DIAPH2: variants seen among roughly 807,000 people sequenced by gnomAD.
DIAPH2 encodes the protein protein diaphanous homolog 2.
DIAPH2 carries 35 observed loss-of-function variants against 92.7 expected under a neutral mutation model. The observed-to-expected ratio is 0.38, with a 90% CI of 0.29 to 0.50. The LOEUF is 0.50. Ranked by LOEUF, DIAPH2 falls within the 20% of genes least tolerant of loss-of-function variation. The pLI is 0.94. For missense variants in DIAPH2, 701 were observed against 819.5 expected, an observed-to-expected ratio of 0.86 and a Z score of 1.77; for synonymous variants, 301 against 280.4, an observed-to-expected ratio of 1.07 and a Z score of -0.73.
In DIAPH2 at chrX:96,937,342, C is replaced by A. The variant is rs1256387036; in HGVS notation, c.1199C>A (p.Ala400Glu). Reference protein sequence around the residue: ...ELSHRLNDIRAEMDDMNEVYH... With the variant: ...ELSHRLNDIREEMDDMNEVYH... ...TCACACCGTCTCAATGACATTCGAG[C>A]AGAAATGGAATATCCTTTGACAAAC... The change falls in exon 11 of 27, where the codon GCA (alanine) becomes GAA (glutamate). Residue 400 changes from alanine to glutamate, a missense_variant. Coordinates refer to ENST00000324765, the MANE Select transcript of DIAPH2 (RefSeq NM_006729.5). The A allele has an allele frequency of 9.0e-7, 1 of 1,114,099 alleles. No homozygotes were observed. Among genetic ancestry groups the A allele is most frequent in the Non-Finnish European group, 1.2e-6 (1 of 827,704 alleles). 91.8% of individuals were successfully genotyped at this position (1,114,099 alleles called of 1,213,427 possible).
At chrX:97,273,603 CAT>C (rs1050125998) in intron 23 of DIAPH2, among the ~76,000 whole-genome samples, 2 of 112,068 alleles carry the variant, frequency 1.8e-5, no homozygotes, top group African/African-American at 6.5e-5. Context: ...TGTGTGAGCA[CAT>C]GTGTGTAAAA....
At chrX:96,915,726 C>T (rs1399281188) in intron 7 of DIAPH2, among the ~76,000 whole-genome samples, 1 of 111,774 alleles carries the variant, frequency 8.9e-6, no homozygotes, top group African/African-American at 3.2e-5. Context: ...AATGAAAACT[C>T]AAGTTTTAGA....
In DIAPH2 at chrX:96,959,187, AT is replaced by A; in HGVS notation, c.1935+1044del. ...ATTGTATGGTAATCCTATTATTTAT[AT>A]TTTTGAGAAATCTTTATAGTGTTTT... On this transcript the variant is annotated intron_variant, in intron 16 of 26. Coordinates refer to ENST00000324765, the MANE Select transcript of DIAPH2 (RefSeq NM_006729.5). Among the ~76,000 whole-genome samples the A allele has an allele frequency of 2.7e-5, 3 of 111,565 alleles. No individual in the cohort carries two copies. The Admixed American group carries it at 2.9e-4, about 11-fold the overall frequency.
intron 23 of DIAPH2, among the ~76,000 whole-genome samples, chrX:97,267,310 A>G (rs771481064): frequency 9.0e-6 from 1 of 111,491 alleles, no homozygotes; most frequent in South Asian, 3.7e-4. Context: ...ATTGCTGTAA[A>G]TGTTGCTTAG....
At chrX:97,321,350 CACA>C (rs767134252) in intron 23 of DIAPH2, among the ~76,000 whole-genome samples, 110 of 109,861 alleles carry the variant, frequency 1.0e-3, no homozygotes, top group Non-Finnish European at 1.6e-3. Flanking sequence ...CCCCTTAACG[CACA>C]ACAAAAGGTG....
At chrX:97,165,554 C>T (rs1163146030) in intron 22 of DIAPH2, among the ~76,000 whole-genome samples, 1 of 110,789 alleles carries the variant, frequency 9.0e-6, no homozygotes, top group African/African-American at 3.3e-5. Context: ...AGTGCAGTGG[C>T]GCCATCTCGG....
intron 5 of DIAPH2, among the ~76,000 whole-genome samples, chrX:96,902,663 T>G (rs1171717805): frequency 9.0e-6 from 1 of 111,464 alleles, no homozygotes; most frequent in Non-Finnish European, 1.9e-5. Context: ...CGTTTTTATT[T>G]GTCAATAAAA....
chrX:97,541,487 C>T (rs1020360115), intron 26 of DIAPH2, among the ~76,000 whole-genome samples: 3 of 111,849 alleles, frequency 2.7e-5, no homozygotes, highest in Non-Finnish European at 5.7e-5. Context: ...TCAACATTGC[C>T]GCATATCACA....
At position 97,338,309 on chromosome X, in the gene DIAPH2, A is replaced by G. The variant is rs958112100; in HGVS notation, c.2845-9807A>G. Among the ~76,000 whole-genome samples, 4 of 112,217 alleles carry G rather than the reference A, an allele frequency of 3.6e-5. No homozygotes were observed. In the East Asian group the frequency reaches 8.3e-4, roughly 23 times the overall value. On this transcript the variant is annotated intron_variant, in intron 23 of 26. Transcript: ENST00000324765. ...GCTTCATATTTGTAAATACTTGTCAATGCATATTCATCACATAATGTGTGG... is the reference window on the plus strand; with the variant it reads ...GCTTCATATTTGTAAATACTTGTCAGTGCATATTCATCACATAATGTGTGG...
At chrX:97,383,802 C>G (rs2069572758) in intron 24 of DIAPH2, 107 bp from the exon 25 acceptor site, 15 of 713,076 alleles carry the variant, frequency 2.1e-5, no homozygotes, top group Non-Finnish European at 2.9e-5. Flanking sequence ...TTTTGTTTAA[C>G]TTTGTTTATA....
intron 4 of DIAPH2, among the ~76,000 whole-genome samples, chrX:96,847,930 A>G (rs776259203): frequency 1.8e-5 from 2 of 111,783 alleles, no homozygotes; most frequent in South Asian, 3.8e-4. Context: ...ATGATTCTAT[A>G]TTACTTTTAA....
At chrX:97,229,683 G>C (rs1426249107) in intron 22 of DIAPH2, among the ~76,000 whole-genome samples, 1 of 109,096 alleles carries the variant, frequency 9.2e-6, no homozygotes, top group Non-Finnish European at 1.9e-5. Context: ...TCAATTACAT[G>C]TTTAATTTTA....
At chrX:97,336,243 CTTTT>C (rs1186112131) in intron 23 of DIAPH2, among the ~76,000 whole-genome samples, 4 of 91,741 alleles carry the variant, frequency 4.4e-5, no homozygotes, top group African/African-American at 1.6e-4. Context: ...CTTTTCTTTT[CTTTT>C]TTTTTTTTTT....
At chrX:96,732,192 G>A (rs1435127605) in intron 1 of DIAPH2, among the ~76,000 whole-genome samples, 1 of 111,513 alleles carries the variant, frequency 9.0e-6, no homozygotes, top group Non-Finnish European at 1.9e-5. Context: ...TGGTGTTTCT[G>A]TTGTTATTCT....
intron 22 of DIAPH2, among the ~76,000 whole-genome samples, chrX:97,207,095 G>C (rs2067803286): frequency 9.0e-6 from 1 of 110,635 alleles, no homozygotes; most frequent in Admixed American, 9.7e-5. Flanking sequence ...TGGAATTTTG[G>C]CACTCTTTCT....
chrX:97,163,722 A>G (rs966535178), intron 22 of DIAPH2, among the ~76,000 whole-genome samples: 1 of 111,726 alleles, frequency 9.0e-6, no homozygotes, highest in East Asian at 2.8e-4. Context: ...TCTCTTCCCT[A>G]TGCAGATATT....
chrX:97,296,543 A>G, intron 23 of DIAPH2, among the ~76,000 whole-genome samples: 1 of 111,692 alleles, frequency 9.0e-6, no homozygotes, highest in Non-Finnish European at 1.9e-5. Flanking sequence ...ACATGTAAGC[A>G]TATGTTGTTG....
chrX:96,899,208 G>A (rs967080135), intron 5 of DIAPH2, among the ~76,000 whole-genome samples: 4 of 107,118 alleles, frequency 3.7e-5, no homozygotes, highest in Non-Finnish European at 3.9e-5. Flanking sequence ...TTGGCGATGT[G>A]GGCTCTTTTT....
At chrX:96,789,907 T>C (rs1170604223) in intron 4 of DIAPH2, among the ~76,000 whole-genome samples, 1 of 110,640 alleles carries the variant, frequency 9.0e-6, no homozygotes, top group Non-Finnish European at 1.9e-5. Context: ...TTTATTCAGA[T>C]CGTGCAATTT....
Sources: allele counts gnomAD v4.1 joint callset (sites outside exome capture counted in the v4.1 genomes callset), GRCh38; gene constraint gnomAD v4.1.1; transcripts MANE v1.5; gene names NCBI Gene and HGNC (gene_info 2026-07-23, HGNC 2026-07-21).